The following FUT8 variants were observed in gnomAD, a reference collection of about 807,000 sequenced individuals.
FUT8 encodes the protein fucosyltransferase 8, also known as alpha-(1,6)-fucosyltransferase.
Under a neutral mutation model 71.3 loss-of-function variants are expected in FUT8, and 29 were observed. The observed-to-expected ratio is 0.41, with a 90% CI of 0.30 to 0.55. The LOEUF (loss-of-function observed/expected upper bound fraction) is 0.55, where lower values mean the gene tolerates loss of function less well. FUT8 is among the 20% of genes least tolerant of loss of function. The pLI, the probability that FUT8 is intolerant of heterozygous loss-of-function variation, is 0.34. For synonymous variants in FUT8, 254 were observed against 239.3 expected, an observed-to-expected ratio of 1.06 and a Z score of -0.57; for missense variants, 544 against 702.1, an observed-to-expected ratio of 0.77 and a Z score of 2.55.
At chr14:65,386,730 A>G in the FUT8 span, among the ~76,000 whole-genome samples, 1 of 137,708 alleles carries the variant, frequency 7.3e-6, no homozygotes, top group Non-Finnish European at 1.6e-5. Flanking sequence ...TATGGATTAT[A>G]TTTTTCTGAT....
intron 7 of FUT8, among the ~76,000 whole-genome samples, chr14:65,695,118 A>G (rs1893925341): frequency 1.3e-5 from 2 of 152,084 alleles, no homozygotes; most frequent in Admixed American, 6.5e-5. Context: ...GTTCCCTGTG[A>G]ACTCGAGAAG....
intron 2 of FUT8, among the ~76,000 whole-genome samples, chr14:65,509,826 G>A (rs1384353969): frequency 6.6e-6 from 1 of 152,066 alleles, no homozygotes; most frequent in Non-Finnish European, 1.5e-5. Flanking sequence ...AATTCTAATA[G>A]TTTTTTGGTG....
At chr14:65,663,587 T>C (rs1293936760) in intron 6 of FUT8, among the ~76,000 whole-genome samples, 1 of 152,174 alleles carries the variant, frequency 6.6e-6, no homozygotes, top group Admixed American at 6.5e-5. Flanking sequence ...AGTACAGTCA[T>C]TCATTTTCTC....
intron 2 of FUT8, among the ~76,000 whole-genome samples, chr14:65,551,829 T>C (rs1022585102): frequency 2.6e-5 from 4 of 152,216 alleles, no homozygotes; most frequent in African/African-American, 9.6e-5. Context: ...GTTATCGTAA[T>C]CATTGTAAAT....
At chr14:65,544,142 G>A (rs1269886346) in intron 2 of FUT8, among the ~76,000 whole-genome samples, 4 of 152,138 alleles carry the variant, frequency 2.6e-5, no homozygotes, top group Non-Finnish European at 4.4e-5. Flanking sequence ...TGAGCCAAAG[G>A]TGGAAGGAAT....
chr14:65,713,593 G>C (rs897445112), intron 7 of FUT8, among the ~76,000 whole-genome samples: 2 of 152,040 alleles, frequency 1.3e-5, no homozygotes, highest in African/African-American at 4.8e-5. Flanking sequence ...CATTTTTTCT[G>C]GGGTTAAATG....
At chr14:65,549,203 C>T (rs1252640891) in intron 2 of FUT8, among the ~76,000 whole-genome samples, 2 of 152,068 alleles carry the variant, frequency 1.3e-5, no homozygotes, top group African/African-American at 2.4e-5. Flanking sequence ...TTCATGTGAC[C>T]CAGCAATCCT....
the FUT8 span, among the ~76,000 whole-genome samples, chr14:65,398,078 C>A: frequency 6.6e-6 from 1 of 152,186 alleles, no homozygotes; most frequent in Non-Finnish European, 1.5e-5. Context: ...ATTTAATGAG[C>A]ATCCATGTCT....
chr14:65,573,755 G>T (rs1436659626), intron 3 of FUT8, among the ~76,000 whole-genome samples: 3 of 151,574 alleles, frequency 2.0e-5, no homozygotes, highest in Non-Finnish European at 4.4e-5. Context: ...AAAAAAATAG[G>T]GCGTCAGGTT....
At chr14:65,686,665 G>A (rs112934193) in intron 7 of FUT8, among the ~76,000 whole-genome samples, 14 of 152,180 alleles carry the variant, frequency 9.2e-5, no homozygotes, top group African/African-American at 3.4e-4. Context: ...GAGGTTGATT[G>A]TCAGTTTGAT....
intron 2 of FUT8, among the ~76,000 whole-genome samples, chr14:65,526,414 G>A (rs1408405739): frequency 6.6e-6 from 1 of 152,014 alleles, no homozygotes; most frequent in Admixed American, 6.5e-5. Flanking sequence ...CCATTTGCTT[G>A]GTAGATCTTC....
intron 5 of FUT8, chr14:65,617,206 A>T: frequency 4.0e-6 from 6 of 1,518,508 alleles, no homozygotes; most frequent in Non-Finnish European, 5.2e-6. Context: ...GAGATTTCAT[A>T]TTTATTAACA....
intron 9 of FUT8, among the ~76,000 whole-genome samples, chr14:65,728,653 C>T (rs982967243): frequency 4.0e-5 from 6 of 150,840 alleles, no homozygotes; most frequent in African/African-American, 1.5e-4. Context: ...GATTATAAAA[C>T]TATACTTTTA....
chr14:65,513,276 A>G (rs1263434595), intron 2 of FUT8, among the ~76,000 whole-genome samples: 1 of 152,180 alleles, frequency 6.6e-6, no homozygotes, highest in Non-Finnish European at 1.5e-5. Context: ...ATCATTTGGC[A>G]TTTATTAACT....
chr14:65,578,966 G>C (rs1388533197), intron 3 of FUT8, among the ~76,000 whole-genome samples: 2 of 152,074 alleles, frequency 1.3e-5, no homozygotes, highest in African/African-American at 4.8e-5. Flanking sequence ...ATGCTTAAGA[G>C]ATTGTAATAA....
At chr14:65,561,003 T>C (rs911537848) in intron 2 of FUT8, among the ~76,000 whole-genome samples, 1 of 152,190 alleles carries the variant, frequency 6.6e-6, no homozygotes, top group Non-Finnish European at 1.5e-5. Flanking sequence ...TACATTTTGT[T>C]TTTGATTGAT....
chr14:65,483,056 G>GT lies in FUT8; in HGVS notation c.-228+27340dup, dbSNP rs1236316487. 2.0e-5 allele frequency among the ~76,000 whole-genome samples: 3 copies of GT among 152,166 alleles called. No homozygotes were observed. Among genetic ancestry groups the GT allele is most frequent in the Non-Finnish European group, 4.4e-5 (3 of 68,022 alleles). On this transcript the variant is annotated intron_variant, in intron 2 of 10. Transcript: ENST00000673929. This position sits in a 1 kb window ranked among gnomAD's most constrained non-coding sequence, Gnocchi z 4.4. ...AGCAACTTCTTTTACTTCCCCCTCA[G>GT]TTGGATTTGTAACAGAGTATCTTTG...
In FUT8 at chr14:65,468,200, G is replaced by T. The variant is rs909800228; in HGVS notation, c.-228+12482G>T. 7.9e-6 allele frequency: 5 copies of T among 631,786 alleles called. No homozygotes were observed. The African/African-American group carries it at 9.1e-5, about 11-fold the overall frequency. 39.1% of individuals were successfully genotyped at this position (631,786 alleles called of 1,614,324 possible). A position where few individuals can be genotyped will look rare whatever the true frequency, so the allele number is the denominator to read the frequency against. On this transcript the variant is annotated intron_variant, in intron 2 of 10. Transcript: ENST00000673929. ...TAACACTCGCGGAGCATTCCTTTTT[G>T]AATAGTACCCATTCCCTTGATGTCT...
chr14:65,504,116 C>A lies in FUT8; in HGVS notation c.-228+48398C>A, dbSNP rs1181076638. On this transcript the variant is annotated intron_variant, in intron 2 of 10. Transcript: ENST00000673929. The stretch of plus-strand genomic sequence containing the variant: ...GAATTTCTTACTTCTCCCACCTACA[C>A]CCCCTTCTTTAAAACTGCGAGGCTT... Among the ~76,000 whole-genome samples the A allele has an allele frequency of 4.6e-5, 7 of 152,278 alleles. No homozygotes were observed. In the East Asian group the frequency reaches 7.7e-4, roughly 17 times the overall value.
Sources: gnomAD v4.1 joint callset for allele counts (sites outside exome capture counted in the v4.1 genomes callset) on GRCh38, gnomAD v4.1.1 for gene constraint, Gnocchi (gnomAD v3.1) non-coding constraint, MANE v1.5 for transcripts, NCBI Gene and HGNC (gene_info 2026-07-23, HGNC 2026-07-21) for gene names.